COMMD1: variants seen among roughly 807,000 people sequenced by gnomAD.
COMMD1 encodes the protein copper metabolism domain containing 1.
COMMD1 carries 10 observed loss-of-function variants against 17.2 expected under a neutral mutation model. The observed-to-expected ratio is 0.58, with a 90% CI of 0.36 to 0.99. The LOEUF is 0.99. Among genes scored for constraint, COMMD1 ranks in the 50% least tolerant of loss-of-function variants. COMMD1 has a pLI of 0.01. For missense variants in COMMD1, 270 were observed against 231.8 expected, an observed-to-expected ratio of 1.17 and a Z score of -1.07; for synonymous variants, 97 against 91.6, an observed-to-expected ratio of 1.06 and a Z score of -0.34.
chr2:61,939,672 A>G (rs974731302), intron 1 of COMMD1, among the ~76,000 whole-genome samples: 1 of 152,212 alleles, frequency 6.6e-6, no homozygotes, highest in African/African-American at 2.4e-5. Flanking sequence ...AATTTTGGAC[A>G]ACTCAGAAAG....
At chr2:61,969,827 A>G (rs148274702) in intron 1 of COMMD1, among the ~76,000 whole-genome samples, 9 of 152,278 alleles carry the variant, frequency 5.9e-5, no homozygotes, top group East Asian at 3.9e-4. Flanking sequence ...CTTCCTGGCT[A>G]TAACTTAGTC....
At chr2:61,942,285 G>A (rs941232169) in intron 1 of COMMD1, among the ~76,000 whole-genome samples, 1 of 152,026 alleles carries the variant, frequency 6.6e-6, no homozygotes, top group Non-Finnish European at 1.5e-5. Context: ...TGTATTTTTA[G>A]TAGAGATGGG....
chr2:61,994,686 C>T (rs1170222135), intron 1 of COMMD1, among the ~76,000 whole-genome samples: 1 of 152,114 alleles, frequency 6.6e-6, no homozygotes, highest in Non-Finnish European at 1.5e-5. Flanking sequence ...GAACTAGGGT[C>T]TTGGGAACTA....
chr2:61,964,617 G>C (rs1573008800), intron 1 of COMMD1, among the ~76,000 whole-genome samples: 1 of 151,698 alleles, frequency 6.6e-6, no homozygotes, highest in South Asian at 2.1e-4. Flanking sequence ...GGCAGATCAC[G>C]AGGTTAGGAG....
chr2:61,970,514 G>C (rs1671620479), intron 1 of COMMD1, among the ~76,000 whole-genome samples: 1 of 151,952 alleles, frequency 6.6e-6, no homozygotes, highest in South Asian at 2.1e-4. Flanking sequence ...AACAACAAAT[G>C]CTACATAAGT....
chr2:61,913,077 A>G (rs1197916928), intron 1 of COMMD1, among the ~76,000 whole-genome samples: 1 of 151,830 alleles, frequency 6.6e-6, no homozygotes, highest in Non-Finnish European at 1.5e-5. Flanking sequence ...AAAATTTAAA[A>G]GAAAAAAGTG....
At chr2:62,050,609 A>T (rs1670509194) in intron 2 of COMMD1, among the ~76,000 whole-genome samples, 1 of 152,128 alleles carries the variant, frequency 6.6e-6, no homozygotes, top group Admixed American at 6.5e-5. Flanking sequence ...AGAATTTTTT[A>T]CTCCTTTAAG....
At position 62,135,831 on chromosome 2, in the gene COMMD1, G is replaced by A. The variant is rs185162399; in HGVS notation, c.463G>A (p.Glu155Lys). The change falls in exon 3 of 3, where the codon GAA (glutamate) becomes AAA (lysine). Residue 155 changes from glutamate (E) to lysine (K), a missense_variant and splice_region_variant. Physicochemically the swap from Glu to Lys is moderately conservative, Grantham distance 56 (BLOSUM62 1). Coordinates refer to ENST00000311832, the MANE Select transcript of COMMD1 (RefSeq NM_152516.4). The part of the protein sequence containing the change: ...IELELGKYGQ[E>K]SEFLCLEFDE... ...TAAAATATCCTTTTATGTTTTCCAG[G>A]AATCTGAATTTCTGTGTTTGGAATT... The A allele has an allele frequency of 1.7e-5, 25 of 1,464,248 alleles. No individual in the cohort carries two copies. In the East Asian group the frequency reaches 5.0e-4, roughly 29 times the overall value. 90.7% of individuals were successfully genotyped at this position (1,464,248 alleles called of 1,614,324 possible). A position where few individuals can be genotyped will look rare whatever the true frequency, so the allele number is the denominator to read the frequency against.
intron 1 of COMMD1, among the ~76,000 whole-genome samples, chr2:61,906,094 C>T (rs1669766118): frequency 1.3e-5 from 2 of 152,232 alleles, no homozygotes; most frequent in Non-Finnish European, 2.9e-5. Context: ...TAGACTGACA[C>T]CCACAGGGGT....
chr2:61,905,213 C>T (rs930613052), upstream of COMMD1, among the ~76,000 whole-genome samples: 3 of 152,012 alleles, frequency 2.0e-5, no homozygotes, highest in African/African-American at 7.3e-5. Context: ...CAAAGAAAAA[C>T]ATTATGTAAT....
At chr2:61,982,080 AT>A (rs1671969664) in intron 1 of COMMD1, among the ~76,000 whole-genome samples, 1 of 152,238 alleles carries the variant, frequency 6.6e-6, no homozygotes, top group Non-Finnish European at 1.5e-5. Context: ...TTTGCATAGT[AT>A]AGACATTTCA....
chr2:62,098,162 CTTTTTTTT>C, intron 2 of COMMD1, among the ~76,000 whole-genome samples: 1 of 125,848 alleles, frequency 7.9e-6, no homozygotes, highest in South Asian at 2.7e-4. Context: ...TCCTTTCTTT[CTTTTTTTT>C]TTTTTTTTTT....
intron 1 of COMMD1, among the ~76,000 whole-genome samples, chr2:61,986,192 G>A (rs2103766392): frequency 6.6e-6 from 1 of 150,916 alleles, no homozygotes; most frequent in Non-Finnish European, 1.5e-5. Flanking sequence ...AATATGTCAT[G>A]CCAATCTCAC....
chr2:62,079,320 A>G (rs528495474), intron 2 of COMMD1, among the ~76,000 whole-genome samples: 2 of 152,232 alleles, frequency 1.3e-5, no homozygotes, highest in African/African-American at 2.4e-5. Flanking sequence ...TAAAAAGATC[A>G]TGGGGGGATG....
At chr2:61,944,345 T>C (rs1477041770) in intron 1 of COMMD1, among the ~76,000 whole-genome samples, 1 of 151,950 alleles carries the variant, frequency 6.6e-6, no homozygotes. Flanking sequence ...CCAACTACTC[T>C]GGAGGCTGAA....
chr2:62,058,387 CGTTTT>C (rs1266678795), intron 2 of COMMD1, among the ~76,000 whole-genome samples: 1 of 152,118 alleles, frequency 6.6e-6, no homozygotes, highest in Non-Finnish European at 1.5e-5. Flanking sequence ...AAATTTTCTT[CGTTTT>C]GTTTTGTTTT....
intron 1 of COMMD1, among the ~76,000 whole-genome samples, chr2:61,935,617 G>C (rs563532128): frequency 2.0e-5 from 3 of 151,004 alleles, no homozygotes; most frequent in African/African-American, 7.4e-5. Flanking sequence ...GGGCGACAGA[G>C]CAAGACTCTG....
In COMMD1 at chr2:61,920,965, GTA is replaced by G. The variant is rs11405052; in HGVS notation, c.180+15123_180+15124del. On this transcript the variant is annotated intron_variant, in intron 1 of 2. Transcript: ENST00000311832. ...TGTGTTTGTGTATATATATATGTGTGTATATATATATATATATTTTTTTTTTT... is the reference window on the plus strand; with the variant it reads ...TGTGTTTGTGTATATATATATGTGTGTATATATATATATATTTTTTTTTTT... Among the ~76,000 whole-genome samples, 495 of 127,922 alleles carry G rather than the reference GTA, an allele frequency of 3.9e-3. 2 individuals are homozygous for G. The highest frequency in any genetic ancestry group is 0.011 in the African/African-American group (370 of 33,646). The allele number at this position is 127,922 out of a possible 152,430, so 83.9% of individuals were successfully genotyped here. A position where few individuals can be genotyped will look rare whatever the true frequency, so the allele number is the denominator to read the frequency against.
At chr2:62,048,343 C>T (rs759733837) in intron 2 of COMMD1, among the ~76,000 whole-genome samples, 8 of 151,952 alleles carry the variant, frequency 5.3e-5, no homozygotes, top group Non-Finnish European at 8.8e-5. Flanking sequence ...CCACCACACC[C>T]GGCTAATATT....
Sources: gnomAD v4.1 joint callset for allele counts (sites outside exome capture counted in the v4.1 genomes callset) on GRCh38, gnomAD v4.1.1 for gene constraint, MANE v1.5 for transcripts, NCBI Gene and HGNC (gene_info 2026-07-23, HGNC 2026-07-21) for gene names.